The following AAGAB variants were observed in gnomAD, a reference collection of about 807,000 sequenced individuals.
AAGAB encodes alpha and gamma adaptin binding protein, also known as alpha- and gamma-adaptin-binding protein p34.
Under a neutral mutation model 44.1 loss-of-function variants are expected in AAGAB, and 38 were observed. That is an observed-to-expected ratio of 0.86 (90% CI 0.67 to 1.13). The LOEUF is 1.13. Among genes scored for constraint, AAGAB ranks in the 50% most tolerant of loss-of-function variants. AAGAB has a pLI of 0.00. For synonymous variants in AAGAB, 131 were observed against 131.8 expected, an observed-to-expected ratio of 0.99 and a Z score of 0.04; for missense variants, 450 against 373.8, an observed-to-expected ratio of 1.20 and a Z score of -1.68.
rs578020171 is a variant in AAGAB at position 67,210,491 on chromosome 15, AG to A, written c.536-948del. On this transcript the variant is annotated intron_variant, in intron 5 of 9. Transcript: ENST00000261880. ...AGATCGCACCACTGCACTCCAGGCT[AG>A]GCAACAGTGTGAGGCTCCGTCTCAA... 1.2e-3 allele frequency among the ~76,000 whole-genome samples: 175 copies of A among 151,576 alleles called. 1 individual carries two copies. Among genetic ancestry groups the A allele is most frequent in the African/African-American group, 4.1e-3 (171 of 41,310 alleles).
At chr15:67,231,726 T>TA in intron 5 of AAGAB, 88 bp downstream of exon 5, 1 of 1,036,314 alleles carries the variant, frequency 9.6e-7, no homozygotes, top group Non-Finnish European at 1.5e-6. Context: ...AGATTTCATA[T>TA]AGCACTAATG....
chr15:67,240,038 C>CT (rs1161315540), intron 1 of AAGAB, among the ~76,000 whole-genome samples: 1 of 152,196 alleles, frequency 6.6e-6, no homozygotes, highest in African/African-American at 2.4e-5. Context: ...TGTTACAATA[C>CT]TTAGCACCTG....
In AAGAB at chr15:67,214,612, T is replaced by C. The variant is rs576930555; in HGVS notation, c.536-5068A>G. 1.6e-4 allele frequency among the ~76,000 whole-genome samples: 24 copies of C among 152,194 alleles called. No homozygotes were observed. In the South Asian group the frequency reaches 3.1e-3, roughly 20 times the overall value. ...ATAGGTCTAATTAGAACAGGAAAAT[T>C]CTGGCTAAAATCCTCAGGTTTTTAA... On this transcript the variant is annotated intron_variant, in intron 5 of 9. Transcript: ENST00000261880.
intron 7 of AAGAB, among the ~76,000 whole-genome samples, chr15:67,204,721 C>T (rs934430096): frequency 2.0e-5 from 3 of 152,132 alleles, no homozygotes; most frequent in Non-Finnish European, 4.4e-5. Context: ...TTTCTTACTA[C>T]AAATCTTTTA....
rs1963552395 is a variant in AAGAB, at chr15:67,200,667, T to C, written c.*2154A>G. ...AAAAAACAACCAAAAACCAAGTCTC[T>C]TATTTTAAATTCCAGCTGGCAATTC... On this transcript the variant is annotated 3_prime_UTR_variant, in exon 10 of 10. Coordinates refer to ENST00000261880, the MANE Select transcript of AAGAB (RefSeq NM_024666.5). 6.6e-6 allele frequency among the ~76,000 whole-genome samples: 1 copy of C among 152,260 alleles called. No homozygotes were observed. The highest frequency in any genetic ancestry group is 2.4e-5 in the African/African-American group (1 of 41,468).
chr15:67,222,364 C>T (rs1314070063), intron 5 of AAGAB, among the ~76,000 whole-genome samples: 1 of 151,654 alleles, frequency 6.6e-6, no homozygotes, highest in African/African-American at 2.4e-5. Flanking sequence ...GCAAATCATA[C>T]TTCACATCTC....
At chr15:67,220,207 G>T (rs889966594) in intron 5 of AAGAB, among the ~76,000 whole-genome samples, 17 of 152,214 alleles carry the variant, frequency 1.1e-4, no homozygotes, top group African/African-American at 3.6e-4. Flanking sequence ...CTATTTAAAA[G>T]AAATAAGCCA....
chr15:67,227,652 T>A (rs1964234716), intron 5 of AAGAB, among the ~76,000 whole-genome samples: 1 of 152,192 alleles, frequency 6.6e-6, no homozygotes, highest in South Asian at 2.1e-4. Flanking sequence ...CACAGTTCAC[T>A]GGGCACACAG....
chr15:67,253,022 A>T (rs1218518865), intron 1 of AAGAB, among the ~76,000 whole-genome samples: 4 of 152,230 alleles, frequency 2.6e-5, no homozygotes, highest in Non-Finnish European at 1.5e-5. Flanking sequence ...GGTTACAGAG[A>T]TAGTAATGTG....
At chr15:67,241,678 A>G (rs1018319451) in intron 1 of AAGAB, among the ~76,000 whole-genome samples, 1 of 151,956 alleles carries the variant, frequency 6.6e-6, no homozygotes, top group Non-Finnish European at 1.5e-5. Flanking sequence ...GGATGAGAAC[A>G]CTCCTCAAAA....
At chr15:67,252,640 TAAAG>T (rs1219024752) in intron 1 of AAGAB, among the ~76,000 whole-genome samples, 1 of 151,438 alleles carries the variant, frequency 6.6e-6, no homozygotes, top group Admixed American at 6.6e-5. Context: ...ATGAAACAAT[TAAAG>T]AAAAAAGAGG....
chr15:67,214,652 T>TC (rs1471846863), intron 5 of AAGAB, among the ~76,000 whole-genome samples: 1 of 152,134 alleles, frequency 6.6e-6, no homozygotes, highest in East Asian at 1.9e-4. Flanking sequence ...TTACTTTTTT[T>TC]TTTTTTGAGA....
rs868733495 is a variant in AAGAB at position 67,236,003 on chromosome 15, G to A, written c.427C>T (p.Pro143Ser). The A allele has an allele frequency of 1.3e-5, 21 of 1,612,986 alleles. No individual in the cohort carries two copies. The highest frequency in any genetic ancestry group is 3.3e-5 in the South Asian group (3 of 90,960). ...KHGFELVELS[P>S]EELPEEDDDF... ...CCATCCTCCTCAGGCAACTCCTCTG[G>A]ACTAAGTTCTACCAATTCAAAGCCA... Residue 143 changes from proline to serine, a missense_variant, in exon 4 of 10, where the codon CCA (proline) becomes TCA (serine). Coordinates refer to ENST00000261880, the MANE Select transcript of AAGAB (RefSeq NM_024666.5).
At chr15:67,236,875 TGA>T (rs1964483700) in intron 1 of AAGAB, 55 bp from the exon 2 acceptor site, 2 of 1,405,962 alleles carry the variant, frequency 1.4e-6, no homozygotes, top group East Asian at 2.3e-5. Context: ...ATACATTGGT[TGA>T]TTTTCTCAGT....
intron 5 of AAGAB, among the ~76,000 whole-genome samples, chr15:67,223,437 TC>T (rs1248109085): frequency 6.6e-6 from 1 of 152,194 alleles, no homozygotes; most frequent in Non-Finnish European, 1.5e-5. Flanking sequence ...CAGGCCCAAA[TC>T]CTGTTGTCTT....
At chr15:67,230,755 C>T (rs745896228) in intron 5 of AAGAB, among the ~76,000 whole-genome samples, 3 of 152,178 alleles carry the variant, frequency 2.0e-5, no homozygotes, top group African/African-American at 7.2e-5. Context: ...CCAGATCCAG[C>T]CTTTTGTCTC....
intron 4 of AAGAB, chr15:67,232,755 C>A: frequency 4.3e-6 from 1 of 234,400 alleles, no homozygotes; most frequent in Non-Finnish European, 8.8e-6. Flanking sequence ...CTTGAGAAAG[C>A]AATGAAAGGA....
upstream of AAGAB, chr15:67,255,150 C>A: frequency 1.7e-6 from 1 of 605,654 alleles, no homozygotes; most frequent in Middle Eastern, 4.2e-4. Flanking sequence ...GTAGGTTACG[C>A]CCCAGAAGCA....
intron 1 of AAGAB, among the ~76,000 whole-genome samples, chr15:67,237,861 G>A (rs530010478): frequency 6.6e-6 from 1 of 152,234 alleles, no homozygotes; most frequent in East Asian, 1.9e-4. Flanking sequence ...CTCATAATTA[G>A]CAAGACACTG....
Sources: gnomAD v4.1 joint callset for allele counts (sites outside exome capture counted in the v4.1 genomes callset) on GRCh38, gnomAD v4.1.1 for gene constraint, MANE v1.5 for transcripts, NCBI Gene and HGNC (gene_info 2026-07-23, HGNC 2026-07-21) for gene names.